TTLL7: variants seen among roughly 807,000 people sequenced by gnomAD.
The protein encoded by TTLL7 is tubulin tyrosine ligase like 7.
A neutral mutation model predicts 120.2 loss-of-function variants in TTLL7; 53 were observed. The ratio of observed to expected loss-of-function variants is 0.44; its 90% CI spans 0.35 to 0.55. The LOEUF (loss-of-function observed/expected upper bound fraction) is 0.55, where lower values mean the gene tolerates loss of function less well. Among genes scored for constraint, TTLL7 ranks in the 20% least tolerant of loss-of-function variants. The pLI is 0.00. For missense variants in TTLL7, 803 were observed against 1,054.7 expected, an observed-to-expected ratio of 0.76 and a Z score of 3.31; for synonymous variants, 353 against 351.7, an observed-to-expected ratio of 1.00 and a Z score of -0.04.
chr1:83,905,668 G>A (rs1032542294), intron 17 of TTLL7, among the ~76,000 whole-genome samples: 3 of 151,836 alleles, frequency 2.0e-5, no homozygotes, highest in South Asian at 2.1e-4. Flanking sequence ...CGAAAAGGAT[G>A]TTTGAATGAA....
intron 1 of TTLL7, among the ~76,000 whole-genome samples, chr1:83,964,107 C>A (rs998737227): frequency 6.6e-6 from 1 of 152,180 alleles, no homozygotes; most frequent in African/African-American, 2.4e-5. Context: ...ATAGACTTTA[C>A]GTGAAGGCCC....
intron 1 of TTLL7, among the ~76,000 whole-genome samples, chr1:83,986,956 T>C (rs763742636): frequency 3.3e-5 from 5 of 152,096 alleles, no homozygotes; most frequent in Admixed American, 6.5e-5. Flanking sequence ...ACATATGGAT[T>C]GGAAAGAAAT....
intron 18 of TTLL7, among the ~76,000 whole-genome samples, chr1:83,892,318 GAA>G (rs1655589734): frequency 2.8e-5 from 1 of 36,300 alleles, no homozygotes; most frequent in Non-Finnish European, 6.0e-5. Flanking sequence ...GAATATATAT[GAA>G]TATATATGTA....
chr1:83,959,095 G>C (rs1649792107), intron 1 of TTLL7, among the ~76,000 whole-genome samples: 1 of 152,286 alleles, frequency 6.6e-6, no homozygotes, highest in Middle Eastern at 3.4e-3. Flanking sequence ...AGAGTTCCAT[G>C]AGTCAAAAAA....
chr1:83,973,675 T>A (rs571162876), intron 1 of TTLL7, among the ~76,000 whole-genome samples: 2 of 152,220 alleles, frequency 1.3e-5, no homozygotes, highest in South Asian at 4.1e-4. Flanking sequence ...ATCTTGACAA[T>A]GTTGAGCCTT....
intron 10 of TTLL7, 50 bp from the exon 11 acceptor site, chr1:83,921,444 T>A: frequency 1.9e-6 from 3 of 1,586,282 alleles, no homozygotes; most frequent in East Asian, 2.2e-5. Context: ...CAAGTTCTGA[T>A]CTTATCCCTG....
intron 18 of TTLL7, among the ~76,000 whole-genome samples, chr1:83,891,518 C>A (rs919906168): frequency 6.6e-6 from 1 of 152,060 alleles, no homozygotes; most frequent in Admixed American, 6.6e-5. Context: ...TTGGTATTAT[C>A]TCCTAAAGTT....
chr1:83,968,015 C>T (rs993805023), intron 1 of TTLL7, among the ~76,000 whole-genome samples: 3 of 151,964 alleles, frequency 2.0e-5, no homozygotes, highest in Non-Finnish European at 4.4e-5. Context: ...TGCAGCCGTT[C>T]CCACACACCA....
intron 15 of TTLL7, among the ~76,000 whole-genome samples, chr1:83,908,839 A>G (rs1468791059): frequency 2.0e-5 from 3 of 152,060 alleles, no homozygotes; most frequent in African/African-American, 7.2e-5. Flanking sequence ...TATAAAGGGA[A>G]TAGACATAAG....
intron 1 of TTLL7, among the ~76,000 whole-genome samples, chr1:83,955,409 A>G (rs1649423437): frequency 6.6e-6 from 1 of 152,198 alleles, no homozygotes; most frequent in African/African-American, 2.4e-5. Flanking sequence ...TAGGACCTTT[A>G]GAAGGTGATT....
intron 1 of TTLL7, among the ~76,000 whole-genome samples, chr1:83,953,131 G>T (rs1159590822): frequency 6.6e-6 from 1 of 152,160 alleles, no homozygotes; most frequent in Non-Finnish European, 1.5e-5. Flanking sequence ...GCACACAGAG[G>T]AATGCAACAA....
At chr1:83,933,539 T>G in intron 9 of TTLL7, 69 bp downstream of exon 9, 3 of 1,509,944 alleles carry the variant, frequency 2.0e-6, no homozygotes, top group Non-Finnish European at 2.7e-6. Flanking sequence ...TAAGTACACA[T>G]TTTTAAAGCA....
chr1:83,931,677 G>C (rs946401383), intron 9 of TTLL7, among the ~76,000 whole-genome samples: 3 of 149,416 alleles, frequency 2.0e-5, no homozygotes, highest in Admixed American at 6.7e-5. Flanking sequence ...TTTAATTTAA[G>C]AGTACTTAAA....
chr1:83,952,925 T>A (rs1297770768), intron 1 of TTLL7, among the ~76,000 whole-genome samples: 1 of 152,198 alleles, frequency 6.6e-6, no homozygotes, highest in Non-Finnish European at 1.5e-5. Flanking sequence ...ACACTGCTTT[T>A]AATATGAGAC....
intron 20 of TTLL7, among the ~76,000 whole-genome samples, chr1:83,881,533 A>G (rs1444114840): frequency 6.6e-6 from 1 of 152,156 alleles, no homozygotes; most frequent in Non-Finnish European, 1.5e-5. Context: ...CAAAACCACA[A>G]TGAGATACCA....
intron 20 of TTLL7, among the ~76,000 whole-genome samples, chr1:83,876,097 TGG>T (rs2100698059): frequency 6.6e-6 from 1 of 152,044 alleles, no homozygotes; most frequent in South Asian, 2.1e-4. Flanking sequence ...TTTTCATTTA[TGG>T]TGTAGGTAAA....
chr1:83,917,756 A>C, intron 13 of TTLL7, 66 bp from the exon 14 acceptor site: 3 of 1,027,216 alleles, frequency 2.9e-6, no homozygotes, highest in Non-Finnish European at 4.5e-6. Flanking sequence ...CAAGTTGATT[A>C]ATCTCCACAA....
chr1:83,951,876 T>C lies in TTLL7; in HGVS notation c.126A>G (p.Thr42=), dbSNP rs146308286. 32 of 1,612,936 alleles carry C rather than the reference T, an allele frequency of 2.0e-5. No individual in the cohort carries two copies. The highest frequency in any genetic ancestry group is 2.7e-5 in the Non-Finnish European group (32 of 1,179,646). ...VRKKKKKGTI[T]ANVAGTKFEI... ...CAAACTTTGTCCCGGCAACATTTGC[T>C]GTAATGGTTCCCTTCTTTTTCTTCT... The change falls in exon 3 of 21, where the codon ACA becomes ACG. Residue 42 remains threonine (T), a synonymous_variant. Coordinates refer to ENST00000260505, the MANE Select transcript of TTLL7 (RefSeq NM_024686.6).
At chr1:83,880,583 C>G (rs181164768) in intron 20 of TTLL7, among the ~76,000 whole-genome samples, 1 of 152,078 alleles carries the variant, frequency 6.6e-6, no homozygotes, top group African/African-American at 2.4e-5. Flanking sequence ...GTTTATTCAA[C>G]TATTCACTGA....
Sources: gnomAD v4.1 joint callset for allele counts (sites outside exome capture counted in the v4.1 genomes callset) on GRCh38, gnomAD v4.1.1 for gene constraint, MANE v1.5 for transcripts, NCBI Gene and HGNC (gene_info 2026-07-23, HGNC 2026-07-21) for gene names.